Variants in GALNT10 observed in about 807,000 individuals in gnomAD.
The protein encoded by GALNT10 is GalNAc transferase 10.
GALNT10 carries 41 observed loss-of-function variants against 75.0 expected under a neutral mutation model. The ratio of observed to expected loss-of-function variants is 0.55; its 90% confidence interval spans 0.43 to 0.71. The LOEUF (loss-of-function observed/expected upper bound fraction) is 0.71, where lower values mean the gene tolerates loss of function less well. Among genes scored for constraint, GALNT10 ranks in the 30% least tolerant of loss-of-function variants. The pLI is 0.00. For synonymous variants in GALNT10, 302 were observed against 313.0 expected (o/e 0.96, Z 0.37); for missense variants, 727 against 818.5 (o/e 0.89, Z 1.36).
intron 10 of GALNT10, among the ~76,000 whole-genome samples, chr5:154,414,688 C>T (rs955261432): frequency 6.6e-6 from 1 of 151,896 alleles, no homozygotes; most frequent in Non-Finnish European, 1.5e-5. Flanking sequence ...TCGGTGTAAA[C>T]ATATGTCAAG....
intron 2 of GALNT10, 84 bp downstream of exon 2, chr5:154,295,002 GTGTGTGTTCA>G: frequency 1.4e-6 from 1 of 695,700 alleles, no homozygotes. Flanking sequence ...GTGTGTGTGT[GTGTGTGTTCA>G]TGTGTGTGTT....
At chr5:154,253,927 G>A (rs768533787) in intron 1 of GALNT10, among the ~76,000 whole-genome samples, 1 of 152,046 alleles carries the variant, frequency 6.6e-6, no homozygotes, top group Non-Finnish European at 1.5e-5. Flanking sequence ...AGAGTTCATA[G>A]GAGTGAGGTG....
At chr5:154,216,250 A>T (rs772986216) in intron 1 of GALNT10, among the ~76,000 whole-genome samples, 3 of 152,074 alleles carry the variant, frequency 2.0e-5, no homozygotes, top group Non-Finnish European at 4.4e-5. Context: ...AATAATAATA[A>T]TATTATTTTT....
At chr5:154,302,808 T>C (rs1387249704) in intron 3 of GALNT10, among the ~76,000 whole-genome samples, 1 of 152,228 alleles carries the variant, frequency 6.6e-6, no homozygotes, top group Admixed American at 6.5e-5. Flanking sequence ...ATACTAAATG[T>C]CCTCAAAAGA....
chr5:154,333,987 G>A (rs1297380049), intron 4 of GALNT10, among the ~76,000 whole-genome samples: 1 of 152,218 alleles, frequency 6.6e-6, no homozygotes, highest in African/African-American at 2.4e-5. Context: ...TCAGAATTAT[G>A]GAGAGGCCTG....
intron 3 of GALNT10, among the ~76,000 whole-genome samples, chr5:154,304,917 T>C (rs1754409116): frequency 6.6e-6 from 1 of 152,138 alleles, no homozygotes; most frequent in South Asian, 2.1e-4. Context: ...AACAGAATTA[T>C]AGCTAATAAG....
intron 1 of GALNT10, among the ~76,000 whole-genome samples, chr5:154,249,297 C>T (rs1213499620): frequency 5.9e-5 from 9 of 152,162 alleles, no homozygotes; most frequent in African/African-American, 1.9e-4. Context: ...CTAATGCTGC[C>T]GGACTGGGGA....
chr5:154,416,480 TACACAC>T lies in GALNT10; in HGVS notation c.1654-301_1654-296del, dbSNP rs70978542. On this transcript the variant is annotated intron_variant, in intron 11 of 11. Transcript: ENST00000297107. This position sits in a 1 kb window ranked among gnomAD's most constrained non-coding sequence, Gnocchi z 4.5. ...AAATAAAAGATAAAAGGAAAGCACA[TACACAC>T]ACACACACACACACACACACACACA... 0.29 allele frequency among the ~76,000 whole-genome samples: 41,274 copies of T among 141,804 alleles called. 6,705 individuals carry two copies. The highest frequency in any genetic ancestry group is 0.46 in the Admixed American group (6,634 of 14,452). The allele number at this position is 141,804 out of a possible 152,430, so 93.0% of individuals were successfully genotyped here.
At chr5:154,229,430 C>A (rs889495041) in intron 1 of GALNT10, among the ~76,000 whole-genome samples, 1 of 152,164 alleles carries the variant, frequency 6.6e-6, no homozygotes, top group Non-Finnish European at 1.5e-5. Flanking sequence ...ATCTTCCCTG[C>A]AAAGATTGTA....
At chr5:154,206,498 C>T (rs760787722) in intron 1 of GALNT10, among the ~76,000 whole-genome samples, 3 of 152,162 alleles carry the variant, frequency 2.0e-5, no homozygotes, top group African/African-American at 4.8e-5. Flanking sequence ...CAGAGCATGA[C>T]GAGTGTTGCA....
At chr5:154,210,944 G>T (rs1043600587) in intron 1 of GALNT10, among the ~76,000 whole-genome samples, 3 of 152,182 alleles carry the variant, frequency 2.0e-5, no homozygotes, top group African/African-American at 2.4e-5. Flanking sequence ...GAAAAAAATT[G>T]TAGATACAGG....
rs139324894 is a variant in GALNT10, at chr5:154,320,699, A to C, written c.402-8873A>C. Among the ~76,000 whole-genome samples the C allele has an allele frequency of 4.1e-3, 632 of 152,358 alleles. 4 individuals are homozygous for C. Among genetic ancestry groups the C allele is most frequent in the African/African-American group, 0.014 (591 of 41,582 alleles). ...CCAGAGAATGCTGGATGAAATGATC[A>C]AAAGGATTAGAGAGAAGGGGAAAGG... On this transcript the variant is annotated intron_variant, in intron 3 of 11. Coordinates refer to ENST00000297107, the MANE Select transcript of GALNT10 (RefSeq NM_198321.4).
intron 4 of GALNT10, among the ~76,000 whole-genome samples, chr5:154,360,352 G>A (rs1755364360): frequency 6.6e-6 from 1 of 151,842 alleles, no homozygotes; most frequent in Admixed American, 6.6e-5. Flanking sequence ...TTGGGAGGCT[G>A]AGGCAGGAGA....
intron 2 of GALNT10, among the ~76,000 whole-genome samples, chr5:154,295,700 C>T (rs1265264605): frequency 6.6e-6 from 1 of 152,174 alleles, no homozygotes; most frequent in Non-Finnish European, 1.5e-5. Flanking sequence ...ATGCCACTTA[C>T]AGCCATCTAA....
chr5:154,223,669 C>T (rs1753019046), intron 1 of GALNT10, among the ~76,000 whole-genome samples: 1 of 152,132 alleles, frequency 6.6e-6, no homozygotes, highest in Admixed American at 6.6e-5. Context: ...CCTGTAATCC[C>T]AGCACTGTGG....
chr5:154,337,884 G>C, intron 4 of GALNT10: 1 of 1,245,536 alleles, frequency 8.0e-7, no homozygotes, highest in Admixed American at 1.7e-5. Context: ...CTCTTGCTTT[G>C]ACAGGGCTTT....
In GALNT10 at chr5:154,412,499, C is replaced by T. The variant is rs1301655865; in HGVS notation, c.1387-390C>T. On this transcript the variant is annotated intron_variant, in intron 9 of 11. Coordinates refer to ENST00000297107, the MANE Select transcript of GALNT10 (RefSeq NM_198321.4). The surrounding 1 kb of genome is among the most constrained non-coding windows in gnomAD (Gnocchi z 4.2). ...TTTCATGTCCTTTTCTAGGCGCTTT[C>T]AAGGTATGGTCCCTGGACCACCTGC... The T allele has an allele frequency of 4.4e-6, 1 of 227,810 alleles. No individual in the cohort carries two copies. The highest frequency in any genetic ancestry group is 8.7e-6 in the Non-Finnish European group (1 of 114,330). The allele number at this position is 227,810 out of a possible 1,614,324, so 14.1% of individuals were successfully genotyped here. A position where few individuals can be genotyped will look rare whatever the true frequency, so the allele number is the denominator to read the frequency against.
intron 7 of GALNT10, among the ~76,000 whole-genome samples, chr5:154,390,716 C>T (rs1561680125): frequency 6.6e-6 from 1 of 152,154 alleles, no homozygotes; most frequent in Non-Finnish European, 1.5e-5. Flanking sequence ...AGAACCCCCA[C>T]CATGGAGAAC....
chr5:154,408,913 A>G (rs1756338311), intron 8 of GALNT10, among the ~76,000 whole-genome samples: 1 of 152,100 alleles, frequency 6.6e-6, no homozygotes, highest in Admixed American at 6.5e-5. Context: ...TTCTGGTGTT[A>G]AAAGGCGGAA....
Sources: allele counts gnomAD v4.1 joint callset (sites outside exome capture counted in the v4.1 genomes callset), GRCh38; gene constraint gnomAD v4.1.1; non-coding constraint Gnocchi (gnomAD v3.1); transcripts MANE v1.5; gene names NCBI Gene and HGNC (gene_info 2026-07-23, HGNC 2026-07-21).